PPFIA2: variants seen among roughly 807,000 people sequenced by gnomAD.
PPFIA2 encodes PPFI scaffold protein A2.
PPFIA2 carries 46 observed loss-of-function variants against 175.5 expected under a neutral mutation model. The ratio of observed to expected loss-of-function variants is 0.26; its 90% CI spans 0.21 to 0.34. The LOEUF (loss-of-function observed/expected upper bound fraction) is 0.34. PPFIA2 is among the 10% of genes least tolerant of loss of function. PPFIA2 has a pLI of 1.00. For synonymous variants in PPFIA2, 568 were observed against 511.4 expected (o/e 1.11, Z -1.49); for missense variants, 1,179 against 1,506.1 (o/e 0.78, Z 3.60).
intron 4 of PPFIA2, among the ~76,000 whole-genome samples, chr12:81,614,701 CTT>C (rs970984469): frequency 5.9e-5 from 9 of 152,124 alleles, no homozygotes; most frequent in African/African-American, 1.9e-4. Flanking sequence ...CAATCACTCT[CTT>C]GTTTTATTTC....
chr12:81,362,879 T>C (rs2031452172), intron 14 of PPFIA2, 95 bp from the exon 15 acceptor site: 1 of 719,606 alleles, frequency 1.4e-6, no homozygotes, highest in South Asian at 2.1e-5. Context: ...AAGGAAAAAC[T>C]GAGGATATAT....
intron 4 of PPFIA2, among the ~76,000 whole-genome samples, chr12:81,639,610 C>T (rs1484275313): frequency 6.7e-6 from 1 of 149,542 alleles, no homozygotes; most frequent in Non-Finnish European, 1.5e-5. Context: ...GCAGTTACAA[C>T]AGGTGAAATG....
At chr12:81,753,344 T>C (rs1179593831) in intron 3 of PPFIA2, among the ~76,000 whole-genome samples, 2 of 151,942 alleles carry the variant, frequency 1.3e-5, no homozygotes, top group Non-Finnish European at 1.5e-5. Context: ...AATACAAAGA[T>C]TGACAGAAAT....
chr12:81,274,348 T>A (rs144298606), intron 28 of PPFIA2, among the ~76,000 whole-genome samples: 276 of 152,304 alleles, frequency 1.8e-3, no homozygotes, highest in African/African-American at 6.2e-3. Context: ...ATTTTGATAG[T>A]CTAAGACATA....
At chr12:81,671,203 T>C (rs140305663) in intron 4 of PPFIA2, among the ~76,000 whole-genome samples, 14 of 152,028 alleles carry the variant, frequency 9.2e-5, no homozygotes, top group Admixed American at 5.3e-4. Context: ...ATCCACTCAA[T>C]TGCCAAACCA....
At chr12:81,348,982 A>T (rs1372555056) in intron 17 of PPFIA2, among the ~76,000 whole-genome samples, 3 of 152,136 alleles carry the variant, frequency 2.0e-5, no homozygotes, top group Non-Finnish European at 4.4e-5. Context: ...ATCACTTCAA[A>T]GTTTTCTTTT....
chr12:81,702,282 G>A (rs1304290718), intron 3 of PPFIA2, among the ~76,000 whole-genome samples: 1 of 152,040 alleles, frequency 6.6e-6, no homozygotes, highest in African/African-American at 2.4e-5. Flanking sequence ...CAGTCTAAAT[G>A]TGTCTTTTCT....
At chr12:81,756,691 T>C (rs77595493) in intron 2 of PPFIA2, among the ~76,000 whole-genome samples, 2,992 of 152,140 alleles carry the variant, frequency 0.02, 89 homozygotes, top group East Asian at 0.09. Flanking sequence ...AAAGAAAATA[T>C]ATAATAGGTT....
At chr12:81,365,976 C>CCCTTCCTT (rs1243825072) in intron 14 of PPFIA2, among the ~76,000 whole-genome samples, 1 of 74,708 alleles carries the variant, frequency 1.3e-5, no homozygotes. Flanking sequence ...CTCCCTCCCT[C>CCCTTCCTT]CCTCCCTCCC....
chr12:81,584,132 G>A lies in PPFIA2; in HGVS notation c.303+92659C>T, dbSNP rs143895668. 8.0e-3 allele frequency among the ~76,000 whole-genome samples: 1,218 copies of A among 151,814 alleles called. 14 individuals carry two copies. Among genetic ancestry groups the A allele is most frequent in the African/African-American group, 0.027 (1,124 of 41,474 alleles). On this transcript the variant is annotated intron_variant, in intron 4 of 32. Coordinates refer to ENST00000549396, the MANE Select transcript of PPFIA2 (RefSeq NM_003625.5). ...CCTGAAAATATACTTCACATCTAAA[G>A]CAAGTTCTTGATAAGTGTTTCCTGA...
intron 3 of PPFIA2, among the ~76,000 whole-genome samples, chr12:81,716,681 G>T (rs1467548767): frequency 6.6e-6 from 1 of 151,614 alleles, no homozygotes; most frequent in East Asian, 1.9e-4. Context: ...ACGTAGTTTT[G>T]TTACTGGACT....
intron 7 of PPFIA2, among the ~76,000 whole-genome samples, chr12:81,411,899 G>A (rs1489807129): frequency 6.6e-6 from 1 of 152,036 alleles, no homozygotes; most frequent in Non-Finnish European, 1.5e-5. Context: ...GGTATAATTT[G>A]ATTACAAATT....
rs543101628 is a variant in PPFIA2 at position 81,754,066 on chromosome 12, G to T, written c.156C>A (p.Thr52=). 3 of 1,613,766 alleles carry T rather than the reference G, an allele frequency of 1.9e-6. No individual in the cohort carries two copies. Among genetic ancestry groups the T allele is most frequent in the African/African-American group, 2.7e-5 (2 of 74,990 alleles). The change falls in exon 3 of 33, where the codon ACC becomes ACA. Residue 52 remains threonine (T), a synonymous_variant. Coordinates refer to ENST00000549396, the MANE Select transcript of PPFIA2 (RefSeq NM_003625.5). ...RDRLLDTLRE[T]QESLSLAQQR... ...GCTGGGCAAGTGAGAGGCTTTCCTG[G>T]GTCTCCCGAAGGGTGTCTAGAAGAC...
At chr12:81,756,507 T>C (rs1378900560) in intron 2 of PPFIA2, among the ~76,000 whole-genome samples, 2 of 152,088 alleles carry the variant, frequency 1.3e-5, no homozygotes, top group Non-Finnish European at 2.9e-5. Flanking sequence ...AGTCAAAAGA[T>C]GCTATGATGA....
intron 27 of PPFIA2, 130 bp downstream of exon 27, chr12:81,281,127 T>C (rs986674330): frequency 5.9e-5 from 42 of 711,264 alleles, no homozygotes; most frequent in Middle Eastern, 4.2e-4. Flanking sequence ...CAAGTAGATG[T>C]ATACAAACGA....
intron 8 of PPFIA2, among the ~76,000 whole-genome samples, chr12:81,391,587 C>T (rs933363594): frequency 6.6e-6 from 1 of 151,922 alleles, no homozygotes; most frequent in African/African-American, 2.4e-5. Context: ...CCATTCCTAT[C>T]TGTAATGGAT....
intron 24 of PPFIA2, among the ~76,000 whole-genome samples, chr12:81,289,992 A>AT (rs1264460214): frequency 6.6e-6 from 1 of 151,756 alleles, no homozygotes; most frequent in Non-Finnish European, 1.5e-5. Context: ...TGACATTTAA[A>AT]TTTTCCTTTT....
intron 4 of PPFIA2, among the ~76,000 whole-genome samples, chr12:81,563,969 A>G (rs1205680202): frequency 6.6e-6 from 1 of 152,208 alleles, no homozygotes; most frequent in Non-Finnish European, 1.5e-5. Context: ...AAAACCTTTA[A>G]TACATATCAT....
At chr12:81,718,823 C>G (rs1003566164) in intron 3 of PPFIA2, among the ~76,000 whole-genome samples, 2 of 151,560 alleles carry the variant, frequency 1.3e-5, no homozygotes, top group Non-Finnish European at 3.0e-5. Flanking sequence ...CTGGCTGATG[C>G]ACAGAGGATG....
Sources: allele counts gnomAD v4.1 joint callset (sites outside exome capture counted in the v4.1 genomes callset), GRCh38; gene constraint gnomAD v4.1.1; transcripts MANE v1.5; gene names NCBI Gene and HGNC (gene_info 2026-07-23, HGNC 2026-07-21).